Variants in PTPRG observed in about 807,000 individuals in gnomAD.
PTPRG encodes protein tyrosine phosphatase receptor type G.
In PTPRG, 102 loss-of-function variants were observed where a neutral mutation model predicts 165.3. That is an observed-to-expected ratio of 0.62 (90% CI 0.53 to 0.73). PTPRG has a LOEUF of 0.73. PTPRG is among the 30% of genes least tolerant of loss of function. The pLI is 0.00. For missense variants in PTPRG, 1,866 were observed against 1,861.4 expected, an observed-to-expected ratio of 1.00 and a Z score of -0.05; for synonymous variants, 675 against 669.5, an observed-to-expected ratio of 1.01 and a Z score of -0.13.
chr3:61,578,257 C>A (rs970743935), intron 1 of PTPRG, among the ~76,000 whole-genome samples: 1 of 152,224 alleles, frequency 6.6e-6, no homozygotes, highest in African/African-American at 2.4e-5. Flanking sequence ...TAGAAGGGAA[C>A]TTGGAGATTT....
At chr3:62,268,173 C>T (rs1043336767) in intron 19 of PTPRG, among the ~76,000 whole-genome samples, 2 of 151,972 alleles carry the variant, frequency 1.3e-5, no homozygotes, top group African/African-American at 2.4e-5. Flanking sequence ...GTTCTAAGTA[C>T]AGGGGACAGA....
chr3:61,754,496 G>C (rs182168412), intron 2 of PTPRG, among the ~76,000 whole-genome samples: 2 of 152,168 alleles, frequency 1.3e-5, no homozygotes, highest in African/African-American at 4.8e-5. Flanking sequence ...TTGAAGACAA[G>C]GATTATTGCT....
chr3:61,762,488 G>A (rs1046195683), intron 2 of PTPRG, among the ~76,000 whole-genome samples: 19 of 152,012 alleles, frequency 1.2e-4, no homozygotes, highest in Non-Finnish European at 2.4e-4. Context: ...GTGGGTGCCT[G>A]TAATCCCAGC....
intron 2 of PTPRG, among the ~76,000 whole-genome samples, chr3:61,927,394 G>C (rs1252099223): frequency 6.6e-6 from 1 of 152,148 alleles, no homozygotes; most frequent in Non-Finnish European, 1.5e-5. Context: ...TTCATTAACT[G>C]GTGTGCTGTT....
intron 2 of PTPRG, among the ~76,000 whole-genome samples, chr3:61,951,437 A>T (rs2039896765): frequency 6.6e-6 from 1 of 152,058 alleles, no homozygotes; most frequent in Non-Finnish European, 1.5e-5. Context: ...TTGTAGAAAG[A>T]TTTTCTTTGA....
Position 62,266,582 on chromosome 3 carries a change from G to T in PTPRG, c.2657-828G>T, listed in dbSNP as rs535864059. ...GTCAGAACAACAAAAACAGTTCACA[G>T]TTCCAAAAACATAGAGGGCTCTCAA... On this transcript the variant is annotated intron_variant, in intron 17 of 29. Transcript: ENST00000474889. 2.6e-5 allele frequency among the ~76,000 whole-genome samples: 4 copies of T among 151,844 alleles called. No individual in the cohort carries two copies. In the East Asian group the frequency reaches 7.7e-4, roughly 29 times the overall value.
rs995842127 is a variant in PTPRG, at chr3:62,195,283, A to G, written c.1327+113A>G. 7 of 981,712 alleles carry G rather than the reference A, an allele frequency of 7.1e-6. No individual in the cohort carries two copies. In the Admixed American group the frequency reaches 9.7e-5, roughly 14 times the overall value. 60.8% of individuals were successfully genotyped at this position (981,712 alleles called of 1,614,324 possible). ...AAAATACAAACAAGCCTGGCAGAAG[A>G]ATCAGTGTAGGGTTTTAAAGCCTAT... On this transcript the variant is annotated intron_variant, in intron 10 of 29. Transcript: ENST00000474889. The surrounding 1 kb of genome is among the most constrained non-coding windows in gnomAD (Gnocchi z 4.4).
chr3:61,595,010 G>A (rs528261211), intron 1 of PTPRG, among the ~76,000 whole-genome samples: 5 of 151,962 alleles, frequency 3.3e-5, no homozygotes, highest in African/African-American at 4.8e-5. Flanking sequence ...TTTCCTCTCC[G>A]GATGAAAAGC....
At chr3:62,111,337 G>A (rs544787410) in intron 5 of PTPRG, among the ~76,000 whole-genome samples, 150 of 152,302 alleles carry the variant, frequency 9.8e-4, no homozygotes, top group Middle Eastern at 6.8e-3. Flanking sequence ...GCTCCACCTC[G>A]ATCAAGTCCT....
chr3:62,077,547 C>T (rs936081416), intron 4 of PTPRG, among the ~76,000 whole-genome samples: 2 of 152,082 alleles, frequency 1.3e-5, no homozygotes, highest in African/African-American at 2.4e-5. Flanking sequence ...AATTTTGCTT[C>T]TTAATAGGGA....
chr3:62,227,965 T>C (rs1302595506), intron 13 of PTPRG, among the ~76,000 whole-genome samples: 1 of 152,226 alleles, frequency 6.6e-6, no homozygotes, highest in African/African-American at 2.4e-5. Context: ...CTTGTGTCCG[T>C]TGGTGGCTGG....
intron 2 of PTPRG, among the ~76,000 whole-genome samples, chr3:61,845,223 C>T (rs2036773973): frequency 6.6e-6 from 1 of 152,120 alleles, no homozygotes; most frequent in Non-Finnish European, 1.5e-5. Flanking sequence ...CTGGTAGGTG[C>T]TTGGTGAATG....
rs369505317 is a variant in PTPRG, at chr3:61,676,471, A to AAAAAAAAAAAAAAAAAAAAAAAAAG, written c.86-72404_86-72403insAAAAAAAAAAAAAAAAAAAAAGAAA. ...GACTCCATCTCAAAAAAAAAAAAAA[A>AAAAAAAAAAAAAAAAAAAAAAAAAG]AAAGAAAATTACTAAAGTCTGTGAA... is the stretch of plus-strand genomic sequence containing the variant. On this transcript the variant is annotated intron_variant, in intron 1 of 29. Coordinates refer to ENST00000474889, the MANE Select transcript of PTPRG (RefSeq NM_002841.4). 3.5e-3 allele frequency among the ~76,000 whole-genome samples: 351 copies of AAAAAAAAAAAAAAAAAAAAAAAAAG among 98,994 alleles called. 40 individuals carry two copies. Among genetic ancestry groups the AAAAAAAAAAAAAAAAAAAAAAAAAG allele is most frequent in the Non-Finnish European group, 6.0e-3 (260 of 43,280 alleles). The allele number at this position is 98,994 out of a possible 152,430, so 64.9% of individuals were successfully genotyped here.
At chr3:62,012,959 A>G (rs2041462609) in intron 4 of PTPRG, among the ~76,000 whole-genome samples, 1 of 152,204 alleles carries the variant, frequency 6.6e-6, no homozygotes, top group Admixed American at 6.6e-5. Context: ...TTAATCACTG[A>G]GAGCAATACT....
At chr3:61,565,634 C>T (rs1218590558) in intron 1 of PTPRG, among the ~76,000 whole-genome samples, 2 of 150,472 alleles carry the variant, frequency 1.3e-5, no homozygotes, top group African/African-American at 4.9e-5. Flanking sequence ...TGATTTTTGT[C>T]TTTCGGCCCT....
At position 62,282,833 on chromosome 3, in the gene PTPRG, C is replaced by G. The variant is rs778947846; in HGVS notation, c.4019C>G (p.Ala1340Gly). 1.9e-6 allele frequency: 3 copies of G among 1,611,192 alleles called. No homozygotes were observed. Among genetic ancestry groups the G allele is most frequent in the Non-Finnish European group, 1.7e-6 (2 of 1,178,174 alleles). The part of the protein sequence containing the change: ...FELINVIKEE[A>G]LTRDGPTIVH... ...CTTATCAACGTCATCAAGGAAGAGG[C>G]CTTAACAAGGGATGGTCCCACCATT... Residue 1340 changes from alanine (A) to glycine (G), a missense_variant, in exon 28 of 30, where the codon GCC (alanine) becomes GGC (glycine). Transcript: ENST00000474889.
At position 62,271,818 on chromosome 3, in the gene PTPRG, G is replaced by A. The variant is rs549192384; in HGVS notation, c.3182+263G>A. On this transcript the variant is annotated intron_variant, in intron 21 of 29. Transcript: ENST00000474889. The surrounding 1 kb of genome is among the most constrained non-coding windows in gnomAD (Gnocchi z 4.1). ...CTTATTAATAATATCAGCCAGGCAT[G>A]GAGGCCAACTCCTGTAATCCCAGCA... Among the ~76,000 whole-genome samples, 3 of 152,272 alleles carry A rather than the reference G, an allele frequency of 2.0e-5. No homozygotes were observed. Among genetic ancestry groups the A allele is most frequent in the Admixed American group, 1.3e-4 (2 of 15,284 alleles).
Position 62,229,729 on chromosome 3 carries a change from A to G in PTPRG, c.2289-1496A>G, listed in dbSNP as rs571633773. Among the ~76,000 whole-genome samples, 54 of 152,276 alleles carry G rather than the reference A, an allele frequency of 3.5e-4. No homozygotes were observed. The highest frequency in any genetic ancestry group is 1.3e-3 in the African/African-American group (53 of 41,552). On this transcript the variant is annotated intron_variant, in intron 13 of 29. Transcript: ENST00000474889. This position sits in a 1 kb window ranked among gnomAD's most constrained non-coding sequence, Gnocchi z 4.6. Reference sequence around the variant, plus strand: ...CTGCTGGTTTGCTCAGGTAGCCTCAAATATCTCAATTATTCAAGATATTAG... The same window carrying G: ...CTGCTGGTTTGCTCAGGTAGCCTCAGATATCTCAATTATTCAAGATATTAG...
rs1391369108 is a variant in PTPRG at position 62,293,881 on chromosome 3, G to A, written c.*574G>A. ...ATGGCCTTGAAACAGTTCCATTTAT[G>A]CTGGTTAAGAGATCCCTTAAGAAGT... On this transcript the variant is annotated 3_prime_UTR_variant, in exon 30 of 30. Coordinates refer to ENST00000474889, the MANE Select transcript of PTPRG (RefSeq NM_002841.4). The A allele has an allele frequency of 6.6e-6, 1 of 152,492 alleles. No homozygotes were observed. Among genetic ancestry groups the A allele is most frequent in the Non-Finnish European group, 1.5e-5 (1 of 68,000 alleles). The allele number at this position is 152,492 out of a possible 1,614,324, so 9.4% of individuals were successfully genotyped here.
Sources: allele counts gnomAD v4.1 joint callset (sites outside exome capture counted in the v4.1 genomes callset), GRCh38; gene constraint gnomAD v4.1.1; non-coding constraint Gnocchi (gnomAD v3.1); transcripts MANE v1.5; gene names NCBI Gene and HGNC (gene_info 2026-07-23, HGNC 2026-07-21).